MIB1: variants seen among roughly 807,000 people sequenced by gnomAD.
MIB1 encodes the protein E3 ubiquitin-protein ligase MIB1.
MIB1 carries 278 observed loss-of-function variants against 124.5 expected under a neutral mutation model. The ratio of observed to expected loss-of-function variants is 2.23; its 90% confidence interval spans 2.02 to 2.47. The LOEUF is 2.47. Ranked by LOEUF, MIB1 falls within the 30% of genes most tolerant of loss-of-function variation. MIB1 has a pLI of 0.00. For missense variants in MIB1, 957 were observed against 1,254.4 expected (o/e 0.76, Z 3.58); for synonymous variants, 446 against 429.4 (o/e 1.04, Z -0.48).
intron 7 of MIB1, among the ~76,000 whole-genome samples, chr18:21,795,289 ATATATATAATATATAAATATATAT>A (rs1174290761): frequency 0.031 from 4,359 of 140,754 alleles, 234 homozygotes; most frequent in African/African-American, 0.11. Context: ...ATATATATGT[ATATATATAATATATAAATATATAT>A]TATATATAAT....
At chr18:21,770,557 C>A (rs538130748) in intron 3 of MIB1, among the ~76,000 whole-genome samples, 1 of 152,146 alleles carries the variant, frequency 6.6e-6, no homozygotes, top group East Asian at 1.9e-4. Context: ...TGGGTTCAAG[C>A]GATCCTCCTG....
At position 21,857,133 on chromosome 18, in the gene MIB1, G is replaced by GT. The variant is rs1461264775; in HGVS notation, c.2670dup (p.Ala891CysfsTer2). 3.1e-6 allele frequency: 5 copies of GT among 1,612,102 alleles called. No individual in the cohort carries two copies. In the Admixed American group the frequency reaches 8.3e-5, roughly 27 times the overall value. On this transcript the variant is annotated frameshift_variant, in exon 19 of 21. Coordinates refer to ENST00000261537, the MANE Select transcript of MIB1 (RefSeq NM_020774.4). LOFTEE classifies it high-confidence loss of function. ...TGTCTGTGTTACCGTTTTCCAGACT[G>GT]TGCTAACCTGATGAAAAAGTGTGTG...
In MIB1 at chr18:21,864,594, A is replaced by G. The variant is rs139881146; in HGVS notation, c.2949A>G (p.Gln983=). The G allele has an allele frequency of 1.2e-5, 19 of 1,613,648 alleles. No individual in the cohort carries two copies. The highest frequency in any genetic ancestry group is 1.6e-5 in the Non-Finnish European group (19 of 1,179,778). ...TCCTTTGTGGTCACGGAACCTGTCA[A>G]CTCTGTGGAGACCGCATGAGTGAAT... ...MIFLCGHGTC[Q]LCGDRMSECP... is the part of the protein sequence containing the mutation. The change falls in exon 21 of 21, where the codon CAA becomes CAG. Residue 983 remains glutamine, a synonymous_variant. Coordinates refer to ENST00000261537, the MANE Select transcript of MIB1 (RefSeq NM_020774.4).
At chr18:21,734,251 C>T (rs1421545261) in intron 1 of MIB1, among the ~76,000 whole-genome samples, 12 of 151,740 alleles carry the variant, frequency 7.9e-5, no homozygotes, top group African/African-American at 7.3e-5. Context: ...GGACTACAGG[C>T]GCCCGCCACC....
chr18:21,766,075 A>C, intron 2 of MIB1, 132 bp downstream of exon 2: 1 of 794,722 alleles, frequency 1.3e-6, no homozygotes, highest in Non-Finnish European at 2.0e-6. Context: ...ACCCAATAGT[A>C]GGATAGAAGT....
chr18:21,860,319 T>G (rs754379336), intron 20 of MIB1, among the ~76,000 whole-genome samples: 1 of 138,934 alleles, frequency 7.2e-6, no homozygotes, highest in Non-Finnish European at 1.6e-5. Flanking sequence ...CAGGCTGGTC[T>G]TGAACTTCTG....
intron 1 of MIB1, among the ~76,000 whole-genome samples, chr18:21,735,474 T>G (rs1383029983): frequency 1.4e-5 from 2 of 140,946 alleles, no homozygotes; most frequent in East Asian, 2.0e-4. Flanking sequence ...GCTGCAAGGG[T>G]TTTTTTTTTT....
At chr18:21,738,723 C>T (rs1295549719), upstream of MIB1, among the ~76,000 whole-genome samples, 3 of 148,040 alleles carry the variant, frequency 2.0e-5, no homozygotes, top group African/African-American at 2.5e-5. Flanking sequence ...AGGAGAATGG[C>T]GTGAACCCGG....
chr18:21,798,230 T>C lies in MIB1; in HGVS notation c.1237+2T>C, dbSNP rs1239255663. The C allele has an allele frequency of 1.9e-6, 3 of 1,612,344 alleles. No individual in the cohort carries two copies. In the Admixed American group the frequency reaches 5.0e-5, roughly 27 times the overall value. On this transcript the variant is annotated splice_donor_variant, in intron 8 of 20. Coordinates refer to ENST00000261537, the MANE Select transcript of MIB1 (RefSeq NM_020774.4). LOFTEE classifies it high-confidence loss of function. ...CAGCCATTAGCAATGCATCTGGTGG[T>C]ATGTTTTATATTGTGTTTCTTTAAG...
intron 20 of MIB1, among the ~76,000 whole-genome samples, chr18:21,860,123 T>G (rs2042264144): frequency 7.4e-6 from 1 of 134,570 alleles, no homozygotes; most frequent in Non-Finnish European, 1.6e-5. Context: ...TTTTTTTTTT[T>G]TTAGAGTCTC....
At chr18:21,847,713 C>T (rs2042147231) in intron 16 of MIB1, among the ~76,000 whole-genome samples, 1 of 152,114 alleles carries the variant, frequency 6.6e-6, no homozygotes, top group Non-Finnish European at 1.5e-5. Flanking sequence ...CTGTAGCACC[C>T]TGCTCAGTGC....
intron 7 of MIB1, among the ~76,000 whole-genome samples, chr18:21,793,697 C>A (rs772270256): frequency 7.3e-6 from 1 of 136,678 alleles, no homozygotes; most frequent in Non-Finnish European, 1.5e-5. Context: ...GAGAGGATCT[C>A]TTGAGCCCAG....
chr18:21,798,223 C>A lies in MIB1; in HGVS notation c.1232C>A (p.Ser411Tyr), dbSNP rs1436612520. The change falls in exon 8 of 21, where the codon TCT becomes TAT. Residue 411 changes from serine (S) to tyrosine (Y), a missense_variant. By Grantham distance (144) the Ser-to-Tyr change is moderately radical. Coordinates refer to ENST00000261537, the MANE Select transcript of MIB1 (RefSeq NM_020774.4). The stretch of plus-strand genomic sequence containing the variant: ...GCAGGATCAGCCATTAGCAATGCAT[C>A]TGGTGGTATGTTTTATATTGTGTTT... ...ASAGSAISNA[S>Y]GERLSQLLKK... 1 of 1,612,830 alleles carries A rather than the reference C, an allele frequency of 6.2e-7. No individual in the cohort carries two copies. Among genetic ancestry groups the A allele is most frequent in the South Asian group, 1.1e-5 (1 of 91,002 alleles).
chr18:21,712,569 A>G (rs78557728), intron 1 of MIB1, among the ~76,000 whole-genome samples: 2,223 of 152,344 alleles, frequency 0.015, 166 homozygotes, highest in Admixed American at 0.12. Flanking sequence ...GGTGGCCTCC[A>G]TCAGACAACT....
chr18:21,790,059 A>C (rs990435648), intron 6 of MIB1, among the ~76,000 whole-genome samples: 2 of 152,234 alleles, frequency 1.3e-5, no homozygotes, highest in Non-Finnish European at 2.9e-5. Flanking sequence ...GTATAAAGAC[A>C]TCAGCATTCA....
intron 10 of MIB1, among the ~76,000 whole-genome samples, chr18:21,814,211 A>G (rs1568212584): frequency 6.6e-6 from 1 of 152,110 alleles, no homozygotes; most frequent in Non-Finnish European, 1.5e-5. Flanking sequence ...TTTTTGATAT[A>G]TGGAATTTTG....
intron 2 of MIB1, among the ~76,000 whole-genome samples, chr18:21,767,133 C>T (rs1286620608): frequency 6.6e-6 from 1 of 152,150 alleles, no homozygotes; most frequent in East Asian, 1.9e-4. Context: ...TTTACCGATA[C>T]ATACATATAT....
At chr18:21,713,440 T>A (rs2040674447) in intron 1 of MIB1, among the ~76,000 whole-genome samples, 1 of 151,378 alleles carries the variant, frequency 6.6e-6, no homozygotes, top group Non-Finnish European at 1.5e-5. Context: ...CAAAACCCCG[T>A]CTCTACTAAA....
chr18:21,790,093 A>C (rs929355438), intron 6 of MIB1, among the ~76,000 whole-genome samples: 10 of 152,252 alleles, frequency 6.6e-5, no homozygotes, highest in African/African-American at 2.4e-4. Flanking sequence ...CAATGATTAC[A>C]ATTATGGTAA....
Sources: gnomAD v4.1 joint callset for allele counts (sites outside exome capture counted in the v4.1 genomes callset) on GRCh38, gnomAD v4.1.1 for gene constraint, MANE v1.5 for transcripts, NCBI Gene and HGNC (gene_info 2026-07-23, HGNC 2026-07-21) for gene names.